The following ACACB variants were observed in gnomAD, a reference collection of about 807,000 sequenced individuals.
The protein encoded by ACACB is acetyl-CoA carboxylase 2.
In ACACB, 209 loss-of-function variants were observed where a neutral mutation model predicts 278.8. That is an observed-to-expected ratio of 0.75 (90% CI 0.67 to 0.84). ACACB has a LOEUF of 0.84. Among genes scored for constraint, ACACB ranks in the 40% least tolerant of loss-of-function variants. The pLI is 0.00. For synonymous variants in ACACB, 1,174 were observed against 1,285.6 expected, an observed-to-expected ratio of 0.91 and a Z score of 1.86; for missense variants, 2,850 against 3,269.0, an observed-to-expected ratio of 0.87 and a Z score of 3.13.
Position 109,265,287 on chromosome 12 carries a change from C to T in ACACB, c.7113+7C>T, listed in dbSNP as rs114723289. Reference sequence around the variant, plus strand: ...GACGGAGGGGGCTGTCAAGGTGGGCCTGGGGTGAGAACGAGGCCGGTGAGC... The same window carrying T: ...GACGGAGGGGGCTGTCAAGGTGGGCTTGGGGTGAGAACGAGGCCGGTGAGC... On this transcript the variant is annotated splice_region_variant and intron_variant, in intron 51 of 52. Coordinates refer to ENST00000338432, the MANE Select transcript of ACACB (RefSeq NM_001093.4). The T allele has an allele frequency of 1.1e-3, 1,849 of 1,612,454 alleles. 15 individuals carry two copies. The African/African-American group carries it at 0.021, about 18-fold the overall frequency.
chr12:109,159,374 C>A (rs530545281), intron 2 of ACACB, among the ~76,000 whole-genome samples: 1 of 151,888 alleles, frequency 6.6e-6, no homozygotes, highest in Non-Finnish European at 1.5e-5. Flanking sequence ...TGATTAATGC[C>A]GGGGCCCTAG....
At chr12:109,218,367 A>AGTTTGTTTGTTT (rs57423055) in intron 24 of ACACB, among the ~76,000 whole-genome samples, 2 of 149,992 alleles carry the variant, frequency 1.3e-5, no homozygotes, top group African/African-American at 2.5e-5. Context: ...ACGCCCAGCT[A>AGTTTGTTTGTTT]GTTTGTTTGT....
At chr12:109,240,099 C>A (rs554754852) in intron 35 of ACACB, 114 bp downstream of exon 35, 3 of 1,241,504 alleles carry the variant, frequency 2.4e-6, no homozygotes, top group South Asian at 3.0e-5. Flanking sequence ...TGAAACCATG[C>A]GTATCTGAGC....
In ACACB at chr12:109,222,623, A is replaced by T; in HGVS notation, c.3678+3A>T. On this transcript the variant is annotated splice_donor_region_variant and intron_variant, in intron 25 of 52. Transcript: ENST00000338432. The stretch of plus-strand genomic sequence containing the variant: ...AAGTGGCCCTCAGAGCCCGGCAGGT[A>T]GGGTCTCAGGGTGCGGTCCCCACGA... The T allele has an allele frequency of 6.2e-7, 1 of 1,612,624 alleles. No homozygotes were observed. Among genetic ancestry groups the T allele is most frequent in the South Asian group, 1.1e-5 (1 of 91,040 alleles).
intron 2 of ACACB, among the ~76,000 whole-genome samples, chr12:109,152,169 GAGAATAAAAATC>G (rs1201461938): frequency 6.6e-6 from 1 of 152,192 alleles, no homozygotes; most frequent in Admixed American, 6.5e-5. Context: ...TTTTGCAATA[GAGAATAAAAATC>G]TAGAGCAATA....
Position 109,223,797 on chromosome 12 carries a change from C to G in ACACB, c.3793-18C>G. ...TTCACATTTACTTTTCCTTGTTTCC[C>G]CTTTTCATTTCCCTTAGAAATTAAT... is the stretch of plus-strand genomic sequence containing the variant. On this transcript the variant is annotated intron_variant, in intron 26 of 52. Transcript: ENST00000338432. 1.2e-6 allele frequency: 2 copies of G among 1,602,240 alleles called. No individual in the cohort carries two copies. The highest frequency in any genetic ancestry group is 1.7e-6 in the Non-Finnish European group (2 of 1,169,300).
chr12:109,204,247 C>T (rs1381914310), intron 19 of ACACB, among the ~76,000 whole-genome samples: 1 of 151,146 alleles, frequency 6.6e-6, no homozygotes, highest in African/African-American at 2.4e-5. Flanking sequence ...GTAGAGTCAC[C>T]CTGTTGTGCT....
chr12:109,184,616 G>A (rs2044590655), intron 11 of ACACB, among the ~76,000 whole-genome samples: 1 of 152,036 alleles, frequency 6.6e-6, no homozygotes, highest in Non-Finnish European at 1.5e-5. Context: ...AACCCAGGGT[G>A]ACACATTCCA....
rs752132829 is a variant in ACACB, at chr12:109,227,432, C to T, written c.3944C>T (p.Pro1315Leu). The T allele has an allele frequency of 8.7e-6, 14 of 1,613,592 alleles. No homozygotes were observed. Among genetic ancestry groups the T allele is most frequent in the African/African-American group, 2.7e-5 (2 of 74,924 alleles). The change falls in exon 28 of 53, where the codon CCG becomes CTG. Residue 1315 changes from proline to leucine, a missense_variant. By Grantham distance (98) the Pro-to-Leu change is moderately conservative (BLOSUM62 -3). This residue lies in a region of ACACB where 2,265 missense variants were observed against 2,561.3 expected (regional missense o/e 0.88). Coordinates refer to ENST00000338432, the MANE Select transcript of ACACB (RefSeq NM_001093.4). ...AACAGCCTGCAGCACCGGCAGCTCC[C>T]GGACGGCACCTGCGTGGTAGAATTC... ...ELNSLQHRQL[P>L]DGTCVVEFQF...
intron 1 of ACACB, among the ~76,000 whole-genome samples, chr12:109,134,543 A>G (rs1236439026): frequency 2.0e-5 from 3 of 152,322 alleles, no homozygotes; most frequent in South Asian, 2.1e-4. Context: ...TGTGTGAGCC[A>G]GCTGTTTCAG....
In ACACB at chr12:109,266,551, A is replaced by C; in HGVS notation, c.*189A>C. ...GCCCAGGAGTGCCTCTTCCAAACAA[A>C]AACAGCCTCCTCTCCATAGCTGGGA... On this transcript the variant is annotated 3_prime_UTR_variant, in exon 53 of 53. Coordinates refer to ENST00000338432, the MANE Select transcript of ACACB (RefSeq NM_001093.4). The C allele has an allele frequency of 5.4e-6, 3 of 552,390 alleles. No individual in the cohort carries two copies. Among genetic ancestry groups the C allele is most frequent in the Non-Finnish European group, 8.5e-6 (3 of 353,394 alleles). The allele number at this position is 552,390 out of a possible 1,614,324, so 34.2% of individuals were successfully genotyped here.
At chr12:109,245,334 C>A (rs2046910613) in intron 37 of ACACB, among the ~76,000 whole-genome samples, 1 of 151,886 alleles carries the variant, frequency 6.6e-6, no homozygotes, top group African/African-American at 2.4e-5. Flanking sequence ...GCACTGAATT[C>A]AAGGGAATGG....
chr12:109,209,158 G>T lies in ACACB; in HGVS notation c.3061-7G>T. On this transcript the variant is annotated splice_polypyrimidine_tract_variant and splice_region_variant and intron_variant, in intron 20 of 52. Transcript: ENST00000338432. ...GCTGGGGGCTGATGCTGTGGTCCCCGCTTCAGCTGAAGGAGTGGGTGCAGA... is the reference window on the plus strand; with the variant it reads ...GCTGGGGGCTGATGCTGTGGTCCCCTCTTCAGCTGAAGGAGTGGGTGCAGA... The T allele has an allele frequency of 6.3e-7, 1 of 1,588,460 alleles. No homozygotes were observed. Among genetic ancestry groups the T allele is most frequent in the Non-Finnish European group, 8.6e-7 (1 of 1,167,716 alleles).
intron 27 of ACACB, among the ~76,000 whole-genome samples, chr12:109,225,808 A>T (rs78949454): frequency 0.016 from 2,435 of 152,238 alleles, 74 homozygotes; most frequent in African/African-American, 0.056. Flanking sequence ...GAAAATACAC[A>T]CTCCATTCCA....
chr12:109,122,856 T>C (rs894768430), intron 1 of ACACB, among the ~76,000 whole-genome samples: 13 of 151,980 alleles, frequency 8.6e-5, no homozygotes, highest in Non-Finnish European at 1.6e-4. Flanking sequence ...CCTATACCCA[T>C]TTTCCCTATA....
At chr12:109,235,505 T>C in intron 32 of ACACB, 101 bp from the exon 33 acceptor site, 1 of 1,413,832 alleles carries the variant, frequency 7.1e-7, no homozygotes, top group Admixed American at 1.7e-5. Flanking sequence ...TGATTCATTC[T>C]AGAAGTGAAT....
rs186236456 is a variant in ACACB at position 109,172,197 on chromosome 12, T to C, written c.1036-78T>C. The C allele has an allele frequency of 5.2e-4, 727 of 1,387,550 alleles. 5 individuals are homozygous for C. The Admixed American group carries it at 0.01, about 20-fold the overall frequency. 86.0% of individuals were successfully genotyped at this position (1,387,550 alleles called of 1,614,324 possible). On this transcript the variant is annotated intron_variant, in intron 5 of 52. Coordinates refer to ENST00000338432, the MANE Select transcript of ACACB (RefSeq NM_001093.4). ...TTGGCCTCCCAAACTGCTGGGGTTA[T>C]AGGCGTGAGTTACTGCACCTGGCTG...
intron 3 of ACACB, 127 bp from the exon 4 acceptor site, chr12:109,167,769 C>T: frequency 7.1e-7 from 1 of 1,403,872 alleles, no homozygotes; most frequent in South Asian, 1.3e-5. Context: ...CATAGAAATA[C>T]CAAGAGGAAT....
At chr12:109,129,242 G>A (rs991659899) in intron 1 of ACACB, among the ~76,000 whole-genome samples, 4 of 152,178 alleles carry the variant, frequency 2.6e-5, no homozygotes, top group African/African-American at 9.7e-5. Flanking sequence ...TGTAGAGCAG[G>A]AGAGTGTGAG....
Sources: gnomAD v4.1 joint callset for allele counts (sites outside exome capture counted in the v4.1 genomes callset) on GRCh38, gnomAD v4.1.1 for gene constraint, gnomAD v4.1.1 regional missense constraint, MANE v1.5 for transcripts, NCBI Gene and HGNC (gene_info 2026-07-23, HGNC 2026-07-21) for gene names.